The following PLEKHA5 variants were observed in gnomAD, a reference collection of about 807,000 sequenced individuals.
PLEKHA5 encodes the protein pleckstrin homology domain-containing family A member 5.
A neutral mutation model predicts 181.9 loss-of-function variants in PLEKHA5; 55 were observed. That is an observed-to-expected ratio of 0.30 (90% confidence interval 0.24 to 0.38). The LOEUF (loss-of-function observed/expected upper bound fraction) is 0.38, where lower values mean the gene tolerates loss of function less well. PLEKHA5 is among the 10% of genes least tolerant of loss of function. The pLI, the probability that PLEKHA5 is intolerant of heterozygous loss-of-function variation, is 1.00. For missense variants in PLEKHA5, 1,432 were observed against 1,549.5 expected, an observed-to-expected ratio of 0.92 and a Z score of 1.27; for synonymous variants, 535 against 529.4, an observed-to-expected ratio of 1.01 and a Z score of -0.15.
intron 15 of PLEKHA5, among the ~76,000 whole-genome samples, chr12:19,297,656 T>C (rs1354179201): frequency 9.4e-5 from 14 of 149,506 alleles, no homozygotes; most frequent in Non-Finnish European, 3.0e-5. Context: ...AAAAATACAG[T>C]GCAAGCATAC....
chr12:19,282,422 C>A (rs982096372), intron 11 of PLEKHA5, among the ~76,000 whole-genome samples: 6 of 152,146 alleles, frequency 3.9e-5, no homozygotes, highest in Non-Finnish European at 8.8e-5. Flanking sequence ...ACTTTTATAT[C>A]TCAAGTTAGG....
chr12:19,141,376 G>A (rs964963526), intron 3 of PLEKHA5, among the ~76,000 whole-genome samples: 2 of 152,176 alleles, frequency 1.3e-5, no homozygotes, highest in Non-Finnish European at 2.9e-5. Context: ...GTCATTGTCT[G>A]TCCTTAGCTA....
At chr12:19,204,584 A>G (rs1365225053) in intron 3 of PLEKHA5, among the ~76,000 whole-genome samples, 3 of 152,102 alleles carry the variant, frequency 2.0e-5, no homozygotes, top group Admixed American at 2.0e-4. Flanking sequence ...TATTTTGCTG[A>G]TTTTTGTGCC....
At chr12:19,344,429 G>A (rs2638410) in intron 22 of PLEKHA5, among the ~76,000 whole-genome samples, 139,317 of 152,216 alleles carry the variant, frequency 0.92, 64,575 homozygotes, top group Non-Finnish European at 1. Flanking sequence ...CCATAACAAT[G>A]CAGTGTAAGA....
At chr12:19,194,035 C>A (rs79618177) in intron 3 of PLEKHA5, among the ~76,000 whole-genome samples, 1,530 of 152,266 alleles carry the variant, frequency 0.01, 25 homozygotes, top group African/African-American at 0.035. Context: ...ACCCAAACAC[C>A]TCCCACCAGG....
chr12:19,167,563 T>A (rs1391828578), intron 3 of PLEKHA5, among the ~76,000 whole-genome samples: 1 of 152,012 alleles, frequency 6.6e-6, no homozygotes, highest in Non-Finnish European at 1.5e-5. Context: ...TTATCCACAT[T>A]TTTTTATCTC....
intron 15 of PLEKHA5, among the ~76,000 whole-genome samples, chr12:19,304,164 G>A (rs941047746): frequency 6.6e-6 from 1 of 151,906 alleles, no homozygotes; most frequent in Non-Finnish European, 1.5e-5. Flanking sequence ...GCTCACGCCT[G>A]TAATCCCAAC....
intron 3 of PLEKHA5, among the ~76,000 whole-genome samples, chr12:19,189,126 G>T (rs1301676217): frequency 6.6e-6 from 1 of 152,192 alleles, no homozygotes; most frequent in Non-Finnish European, 1.5e-5. Context: ...CACTCACAGG[G>T]TCTAAAAGAA....
At chr12:19,349,229 C>T (rs971201052) in intron 25 of PLEKHA5, among the ~76,000 whole-genome samples, 1 of 152,118 alleles carries the variant, frequency 6.6e-6, no homozygotes, top group African/African-American at 2.4e-5. Context: ...GATCCTCTCA[C>T]TTCAGCCTTC....
At chr12:19,272,694 G>A (rs148861374) in intron 10 of PLEKHA5, among the ~76,000 whole-genome samples, 42 of 152,234 alleles carry the variant, frequency 2.8e-4, no homozygotes, top group African/African-American at 9.4e-4. Flanking sequence ...CCAAGATCAC[G>A]TCACTGCACT....
intron 3 of PLEKHA5, among the ~76,000 whole-genome samples, chr12:19,250,904 A>T (rs2065106614): frequency 1.3e-5 from 2 of 152,176 alleles, no homozygotes; most frequent in South Asian, 4.1e-4. Context: ...CTTGGGGGGA[A>T]AATGGATCTA....
rs182279549 is a variant in PLEKHA5, at chr12:19,357,129, G to A, written c.3139-1099G>A. ...AAGAAATCTCTAATATTTAGACACT[G>A]TGCCCCTGCTTTTCTCCTCATTTGA... On this transcript the variant is annotated intron_variant, in intron 26 of 31. Coordinates refer to ENST00000429027, the MANE Select transcript of PLEKHA5 (RefSeq NM_001256470.2). Among the ~76,000 whole-genome samples, 346 of 152,094 alleles carry A rather than the reference G, an allele frequency of 2.3e-3. 1 individual carries two copies. The highest frequency in any genetic ancestry group is 4.1e-3 in the Non-Finnish European group (280 of 68,006).
chr12:19,366,006 G>A lies in PLEKHA5; in HGVS notation c.3651G>A (p.Glu1217=). 3 of 1,612,022 alleles carry A rather than the reference G, an allele frequency of 1.9e-6. No homozygotes were observed. Among genetic ancestry groups the A allele is most frequent in the Non-Finnish European group, 1.7e-6 (2 of 1,178,840 alleles). ...ETQTANHKPE[E]HPEENTKNSV... ...AGACCGCAAATCATAAACCAGAAGAGCATCCTGAAGAAAATACAAAGAACA... is the reference window on the plus strand; with the variant it reads ...AGACCGCAAATCATAAACCAGAAGAACATCCTGAAGAAAATACAAAGAACA... Residue 1217 remains glutamate (E), a synonymous_variant, in exon 30 of 32, where the codon GAG becomes GAA. Transcript: ENST00000429027.
At chr12:19,196,295 AT>A (rs1555102191) in intron 3 of PLEKHA5, among the ~76,000 whole-genome samples, 2 of 152,220 alleles carry the variant, frequency 1.3e-5, no homozygotes, top group Non-Finnish European at 2.9e-5. Context: ...AGACAATTTA[AT>A]AGTAGATTTT....
rs367969719 is a variant in PLEKHA5 at position 19,359,452 on chromosome 12, G to C, written c.3389G>C (p.Arg1130Thr). 143 of 1,613,592 alleles carry C rather than the reference G, an allele frequency of 8.9e-5. No individual in the cohort carries two copies. Among genetic ancestry groups the C allele is most frequent in the Non-Finnish European group, 1.2e-4 (136 of 1,179,662 alleles). Residue 1130 changes from arginine to threonine, a missense_variant, in exon 28 of 32, where the codon AGA becomes ACA. Around this residue, in one of 2 missense-constraint regions of PLEKHA5, gnomAD observed 1,143 missense variants for 1,168.4 expected, o/e 0.98. Transcript: ENST00000429027. ...RDDKELDTAI[R>T]ENDVKPDHET... ...GATAAGGAACTGGACACTGCCATTA[G>C]AGAAAATGATGTAAAGCCAGACCAT...
At chr12:19,269,387 AAAAAAAAG>A (rs2152701638) in intron 8 of PLEKHA5, among the ~76,000 whole-genome samples, 1 of 14,470 alleles carries the variant, frequency 6.9e-5, no homozygotes, top group South Asian at 2.7e-3. Flanking sequence ...ACTCTGTCTC[AAAAAAAAG>A]AAAAAAAAAA....
At chr12:19,193,111 T>G (rs2051621389) in intron 3 of PLEKHA5, among the ~76,000 whole-genome samples, 1 of 152,212 alleles carries the variant, frequency 6.6e-6, no homozygotes, top group South Asian at 2.1e-4. Context: ...ACATTGTAGA[T>G]TAGGTTTTGG....
intron 3 of PLEKHA5, among the ~76,000 whole-genome samples, chr12:19,222,968 G>T (rs1483328756): frequency 6.6e-6 from 1 of 150,732 alleles, no homozygotes; most frequent in Non-Finnish European, 1.5e-5. Context: ...TTATGGAGAA[G>T]GAAGAAACAA....
chr12:19,354,430 G>A (rs1384822805), intron 26 of PLEKHA5, among the ~76,000 whole-genome samples: 1 of 146,240 alleles, frequency 6.8e-6, no homozygotes, highest in Non-Finnish European at 1.5e-5. Context: ...TGGGATTACA[G>A]GTGTGAGCCA....
Sources: gnomAD v4.1 joint callset for allele counts (sites outside exome capture counted in the v4.1 genomes callset) on GRCh38, gnomAD v4.1.1 for gene constraint, gnomAD v4.1.1 regional missense constraint, MANE v1.5 for transcripts, NCBI Gene and HGNC (gene_info 2026-07-23, HGNC 2026-07-21) for gene names.